PRKCD: variants seen among roughly 807,000 people sequenced by gnomAD.
The protein encoded by PRKCD is protein kinase C delta type.
A neutral mutation model predicts 82.2 loss-of-function variants in PRKCD; 20 were observed. The ratio of observed to expected loss-of-function variants is 0.24; its 90% CI spans 0.17 to 0.35. The LOEUF is 0.35. Among genes scored for constraint, PRKCD ranks in the 10% least tolerant of loss-of-function variants. The pLI is 1.00. For missense variants in PRKCD, 607 were observed against 899.0 expected, an observed-to-expected ratio of 0.68 and a Z score of 4.15; for synonymous variants, 317 against 337.0, an observed-to-expected ratio of 0.94 and a Z score of 0.65.
At chr3:53,171,777 T>C (rs1350693339) in intron 2 of PRKCD, among the ~76,000 whole-genome samples, 1 of 152,178 alleles carries the variant, frequency 6.6e-6, no homozygotes, top group Non-Finnish European at 1.5e-5. Context: ...ATGAGACATA[T>C]GTTCACAGAG....
chr3:53,175,468 C>T (rs1447412373), intron 2 of PRKCD, among the ~76,000 whole-genome samples: 2 of 152,090 alleles, frequency 1.3e-5, no homozygotes, highest in Non-Finnish European at 1.5e-5. Flanking sequence ...GACTATTGCT[C>T]ATCAGGAAAT....
In PRKCD at chr3:53,169,961, C is replaced by T. The variant is rs931477086; in HGVS notation, c.-20+4746C>T. Among the ~76,000 whole-genome samples, 13 of 152,202 alleles carry T rather than the reference C, an allele frequency of 8.5e-5. No individual in the cohort carries two copies. The highest frequency in any genetic ancestry group is 8.5e-4 in the Admixed American group (13 of 15,284). On this transcript the variant is annotated intron_variant, in intron 2 of 18. Transcript: ENST00000330452. The surrounding 1 kb of genome is among the most constrained non-coding windows in gnomAD (Gnocchi z 4.7). ...CTGTCCGCTGCCTGCTGTGGGATGG[C>T]GCACCATGCGGGATGGTCCTGCCTC... is the stretch of plus-strand genomic sequence containing the variant.
chr3:53,172,202 G>A (rs1476653716), intron 2 of PRKCD, among the ~76,000 whole-genome samples: 3 of 152,066 alleles, frequency 2.0e-5, no homozygotes, highest in African/African-American at 7.2e-5. Context: ...GGTCTTGCTA[G>A]CCTTTCCCCT....
chr3:53,184,319 A>G (rs1553668479), intron 9 of PRKCD, among the ~76,000 whole-genome samples: 1 of 133,958 alleles, frequency 7.5e-6, no homozygotes, highest in Non-Finnish European at 1.6e-5. Context: ...TGGGTGACAG[A>G]GTGAGACTCC....
rs782784858 is a variant in PRKCD at position 53,192,236 on chromosome 3, C to T, written c.2001C>T (p.Asn667=). The T allele has an allele frequency of 9.3e-6, 15 of 1,614,168 alleles. No homozygotes were observed. The highest frequency in any genetic ancestry group is 1.2e-5 in the Non-Finnish European group (14 of 1,180,034). The stretch of plus-strand genomic sequence containing the variant: ...CATTCGCTGGCTTCTCCTTTGTGAA[C>T]CCCAAATTCGAGCACCTCCTGGAAG... ...QSAFAGFSFV[N]PKFEHLLED is the part of the protein sequence containing the mutation. Residue 667 remains asparagine, a synonymous_variant, in exon 19 of 19, where the codon AAC becomes AAT. Coordinates refer to ENST00000330452, the MANE Select transcript of PRKCD (RefSeq NM_006254.4).
At chr3:53,167,130 G>A (rs942138115) in intron 2 of PRKCD, among the ~76,000 whole-genome samples, 1 of 152,186 alleles carries the variant, frequency 6.6e-6, no homozygotes, top group African/African-American at 2.4e-5. Flanking sequence ...TGTTCAAGGC[G>A]TTTCCGGAGG....
chr3:53,184,690 AAG>A (rs1158515006), intron 9 of PRKCD, among the ~76,000 whole-genome samples, 182 bp from the exon 10 acceptor site: 15 of 148,886 alleles, frequency 1.0e-4, no homozygotes, highest in East Asian at 2.0e-4. Context: ...AAAAAAAAAA[AAG>A]AGAGAGAGAG....
intron 2 of PRKCD, among the ~76,000 whole-genome samples, chr3:53,175,710 C>T (rs1184352399): frequency 6.6e-6 from 1 of 152,218 alleles, no homozygotes; most frequent in Non-Finnish European, 1.5e-5. Context: ...CAGAAGTTGC[C>T]TACTGCCCCA....
rs1196790794 is a variant in PRKCD at position 53,179,656 on chromosome 3, G to C, written c.195G>C (p.Glu65Asp). 4.3e-6 allele frequency: 7 copies of C among 1,613,846 alleles called. No individual in the cohort carries two copies. Among genetic ancestry groups the C allele is most frequent in the Non-Finnish European group, 5.9e-6 (7 of 1,179,926 alleles). Residue 65 changes from glutamate to aspartate, a missense_variant, in exon 4 of 19, where the codon GAG becomes GAC. Glu to Asp is a conservative substitution (Grantham distance 45). Coordinates refer to ENST00000330452, the MANE Select transcript of PRKCD (RefSeq NM_006254.4). ...WKSTFDAHIY[E>D]GRVIQIVLMR... is the part of the protein sequence containing the mutation. ...CGACGTTCGATGCCCACATCTATGA[G>C]GGGCGCGTCATCCAGATTGTGCTAA...
chr3:53,181,266 G>T lies in PRKCD; in HGVS notation c.375G>T (p.Val125=). The T allele has an allele frequency of 6.2e-7, 1 of 1,613,774 alleles. No individual in the cohort carries two copies. Among genetic ancestry groups the T allele is most frequent in the Non-Finnish European group, 8.5e-7 (1 of 1,179,820 alleles). ...LMSVQYFLED[V]DCKQSMRSED... is the part of the protein sequence containing the mutation. Reference sequence around the variant, plus strand: ...CTGTTCAGTATTTCCTGGAGGACGTGGGTAAGAACTCCCTGGGGGTGGAGG... The same window carrying T: ...CTGTTCAGTATTTCCTGGAGGACGTTGGTAAGAACTCCCTGGGGGTGGAGG... The change falls in exon 5 of 19, where the codon GTG becomes GTT. Residue 125 remains valine, a splice_region_variant and synonymous_variant. Transcript: ENST00000330452.
At position 53,189,930 on chromosome 3, in the gene PRKCD, C is replaced by G. The variant is rs1703861977; in HGVS notation, c.1801C>G (p.Pro601Ala). Residue 601 changes from proline (P) to alanine (A), a missense_variant, in exon 18 of 19, where the codon CCC becomes GCC. Transcript: ENST00000330452. ...AGTGACCGGAAACATCAAAATCCAC[C>G]CCTTCTTCAAGACCATAAACTGGAC... ...LGVTGNIKIH[P>A]FFKTINWTLL... The G allele has an allele frequency of 6.2e-7, 1 of 1,614,170 alleles. No individual in the cohort carries two copies. The highest frequency in any genetic ancestry group is 8.5e-7 in the Non-Finnish European group (1 of 1,180,014).
At chr3:53,168,435 T>C (rs1472444684) in intron 2 of PRKCD, among the ~76,000 whole-genome samples, 1 of 151,966 alleles carries the variant, frequency 6.6e-6, no homozygotes, top group Non-Finnish European at 1.5e-5. Context: ...GCCTGAGGGC[T>C]GGAGAGCGAA....
In PRKCD at chr3:53,169,193, A is replaced by C. The variant is rs1553664421; in HGVS notation, c.-20+3978A>C. Among the ~76,000 whole-genome samples the C allele has an allele frequency of 6.6e-6, 1 of 151,150 alleles. No individual in the cohort carries two copies. The highest frequency in any genetic ancestry group is 2.4e-5 in the African/African-American group (1 of 41,020). The stretch of plus-strand genomic sequence containing the variant: ...AGTGGATGAGGAGCGCTGGGAGGGG[A>C]ACGGCGGGGGACTGGTGTGGGCAGG... On this transcript the variant is annotated intron_variant, in intron 2 of 18. Transcript: ENST00000330452. This position sits in a 1 kb window ranked among gnomAD's most constrained non-coding sequence, Gnocchi z 4.7.
At chr3:53,186,788 C>A in intron 14 of PRKCD, 93 bp downstream of exon 14, 1 of 1,308,960 alleles carries the variant, frequency 7.6e-7, no homozygotes, top group Non-Finnish European at 1.1e-6. Flanking sequence ...GCCTTCTTCC[C>A]TCTCCCTAGA....
intron 15 of PRKCD, 64 bp from the exon 16 acceptor site, chr3:53,188,656 G>T: frequency 6.3e-7 from 1 of 1,594,504 alleles, no homozygotes; most frequent in South Asian, 1.1e-5. Context: ...ATTAGGACAT[G>T]GGGGGCAGGG....
intron 12 of PRKCD, 40 bp from the exon 13 acceptor site, chr3:53,186,126 GC>G (rs1559629312): frequency 6.2e-7 from 1 of 1,608,778 alleles, no homozygotes; most frequent in African/African-American, 1.3e-5. Flanking sequence ...TGTGGCCCCT[GC>G]CCCGTCCTCA....
In PRKCD at chr3:53,188,741, G is replaced by A. The variant is rs1553669975; in HGVS notation, c.1437G>A (p.Val479=). ...TTAGGGACCTCAAACTGGACAATGT[G>A]CTGCTGGACCGGGATGGCCACATCA... ...IIYRDLKLDN[V]LLDRDGHIKI... Residue 479 remains valine, a synonymous_variant, in exon 16 of 19, where the codon GTG becomes GTA. Coordinates refer to ENST00000330452, the MANE Select transcript of PRKCD (RefSeq NM_006254.4). The A allele has an allele frequency of 1.2e-6, 2 of 1,614,178 alleles. No individual in the cohort carries two copies. Among genetic ancestry groups the A allele is most frequent in the East Asian group, 4.5e-5 (2 of 44,884 alleles).
chr3:53,183,656 C>T (rs572473826), intron 9 of PRKCD, 75 bp downstream of exon 9: 17 of 1,567,994 alleles, frequency 1.1e-5, no homozygotes, highest in East Asian at 4.5e-5. Context: ...AGCCACCTCA[C>T]GCCACCCTCG....
chr3:53,168,433 G>A (rs563792076), intron 2 of PRKCD, among the ~76,000 whole-genome samples: 1 of 152,192 alleles, frequency 6.6e-6, no homozygotes, highest in South Asian at 2.1e-4. Context: ...GGGCCTGAGG[G>A]CTGGAGAGCG....
Sources: allele counts gnomAD v4.1 joint callset (sites outside exome capture counted in the v4.1 genomes callset), GRCh38; gene constraint gnomAD v4.1.1; non-coding constraint Gnocchi (gnomAD v3.1); transcripts MANE v1.5; gene names NCBI Gene and HGNC (gene_info 2026-07-23, HGNC 2026-07-21).